The following SNRPN variants were observed in gnomAD, a reference collection of about 807,000 sequenced individuals.
The protein encoded by SNRPN is small nuclear ribonucleoprotein polypeptide N, also known as small nuclear ribonucleoprotein-associated protein N.
Under a neutral mutation model 25.2 loss-of-function variants are expected in SNRPN, and 7 were observed. The ratio of observed to expected loss-of-function variants is 0.28; its 90% confidence interval spans 0.16 to 0.52. The LOEUF is 0.52. Ranked by LOEUF, SNRPN falls within the 20% of genes least tolerant of loss-of-function variation. SNRPN has a pLI of 0.96. For missense variants in SNRPN, 196 were observed against 322.5 expected (o/e 0.61, Z 3.00); for synonymous variants, 124 against 110.6 (o/e 1.12, Z -0.76).
chr15:24,950,306 A>G (rs1381934400), upstream of SNRPN, among the ~76,000 whole-genome samples: 2 of 151,660 alleles, frequency 1.3e-5, no homozygotes, highest in Non-Finnish European at 2.9e-5. Context: ...CCTCCCAAGT[A>G]GCTGGGACTA....
Position 24,939,584 on chromosome 15 carries a change from C to T in SNRPN, c.-391+19460C>T, listed in dbSNP as rs141007604. On this transcript the variant is annotated intron_variant, in intron 3 of 11. Transcript: ENST00000400097. ...AGTAGCTGAGATTACAGATGTGCAC[C>T]ACCATGCCTGGTCAATTTTTGTATC... Among the ~76,000 whole-genome samples, 49 of 152,056 alleles carry T rather than the reference C, an allele frequency of 3.2e-4. No individual in the cohort carries two copies. The East Asian group carries it at 8.9e-3, about 28-fold the overall frequency.
intron 2 of SNRPN, among the ~76,000 whole-genome samples, chr15:24,835,776 C>T (rs1192869586): frequency 6.6e-6 from 1 of 152,072 alleles, no homozygotes; most frequent in Non-Finnish European, 1.5e-5. Context: ...GTTACTAATC[C>T]AGAGAGAAAG....
intron 2 of SNRPN, among the ~76,000 whole-genome samples, chr15:24,892,816 T>G (rs11161154): frequency 6.6e-6 from 1 of 151,868 alleles, no homozygotes. Flanking sequence ...TTGTGAAAGC[T>G]TATAGCCAAC....
At chr15:24,955,412 G>A (rs1476618851) in intron 1 of SNRPN, among the ~76,000 whole-genome samples, 7 of 151,966 alleles carry the variant, frequency 4.6e-5, no homozygotes, top group Admixed American at 3.9e-4. Context: ...GGTACATCAG[G>A]GTGATTGCAG....
chr15:24,968,569 T>C (rs1052780052), intron 3 of SNRPN, among the ~76,000 whole-genome samples: 1 of 152,188 alleles, frequency 6.6e-6, no homozygotes, highest in Non-Finnish European at 1.5e-5. Flanking sequence ...ATTAAATTAG[T>C]ATTCATTGCT....
At chr15:24,960,533 G>T (rs1449017884) in intron 1 of SNRPN, among the ~76,000 whole-genome samples, 1 of 152,064 alleles carries the variant, frequency 6.6e-6, no homozygotes, top group Non-Finnish European at 1.5e-5. Context: ...TATAGATGTT[G>T]CCCAAGCTGG....
intron 2 of SNRPN, among the ~76,000 whole-genome samples, chr15:24,916,996 C>T (rs1351959584): frequency 6.6e-6 from 1 of 152,172 alleles, no homozygotes; most frequent in Non-Finnish European, 1.5e-5. Flanking sequence ...TTTGTCCCCA[C>T]CCATATCCTG....
intron 2 of SNRPN, chr15:24,909,719 C>T (rs561429750): frequency 3.0e-5 from 37 of 1,244,300 alleles, no homozygotes; most frequent in Admixed American, 1.0e-4. Flanking sequence ...TATCACCAAG[C>T]GTTTCCGAGT....
chr15:24,894,809 T>C (rs2057969502), intron 2 of SNRPN, among the ~76,000 whole-genome samples: 1 of 152,200 alleles, frequency 6.6e-6, no homozygotes, highest in African/African-American at 2.4e-5. Context: ...GAATCCTACC[T>C]GCAGACTCCA....
intron 1 of SNRPN, among the ~76,000 whole-genome samples, chr15:24,865,338 C>T (rs922188268): frequency 2.0e-5 from 3 of 152,166 alleles, no homozygotes; most frequent in East Asian, 1.9e-4. Flanking sequence ...TGAGCCACCA[C>T]GCCCAGCTGA....
At chr15:24,856,609 T>C (rs2053420978) in exon 1 of SNRPN, 1 of 152,232 alleles carries the variant, frequency 6.6e-6, no homozygotes, top group South Asian at 2.1e-4. Flanking sequence ...CCCCCTGTCT[T>C]CCCTCTGGAG....
chr15:24,918,482 CATAATAT>C (rs2059710063), intron 2 of SNRPN, among the ~76,000 whole-genome samples: 1 of 117,474 alleles, frequency 8.5e-6, no homozygotes, highest in Admixed American at 9.9e-5. Context: ...ATATATATAA[CATAATAT>C]ATATGTGTGT....
upstream of SNRPN, among the ~76,000 whole-genome samples, chr15:24,950,181 C>CT (rs751256610): frequency 2.9e-3 from 422 of 144,290 alleles, no homozygotes; most frequent in African/African-American, 6.0e-3. Flanking sequence ...CAGTTTTTAA[C>CT]TTTTTTTTTT....
chr15:24,862,992 G>A (rs1342424744), intron 1 of SNRPN, among the ~76,000 whole-genome samples: 1 of 151,032 alleles, frequency 6.6e-6, no homozygotes, highest in African/African-American at 2.5e-5. Context: ...GTGATGCAGA[G>A]GCTGCTCCCT....
At chr15:24,886,063 G>C (rs1356053327) in intron 1 of SNRPN, among the ~76,000 whole-genome samples, 1 of 151,722 alleles carries the variant, frequency 6.6e-6, no homozygotes, top group Non-Finnish European at 1.5e-5. Flanking sequence ...CATTAGTCAG[G>C]CTCCGGAACG....
chr15:24,910,415 C>T (rs1194153773), intron 2 of SNRPN, among the ~76,000 whole-genome samples: 11 of 151,930 alleles, frequency 7.2e-5, no homozygotes, highest in African/African-American at 1.9e-4. Flanking sequence ...CACAGGAGGT[C>T]GAGGCGGCAG....
At chr15:24,834,694 C>T (rs1457647920) in intron 2 of SNRPN, among the ~76,000 whole-genome samples, 1 of 133,956 alleles carries the variant, frequency 7.5e-6, no homozygotes, top group African/African-American at 2.7e-5. Context: ...GCACTCCAAT[C>T]TAGCTACTGA....
chr15:24,880,682 G>A (rs532333919), intron 1 of SNRPN, among the ~76,000 whole-genome samples: 2 of 151,944 alleles, frequency 1.3e-5, no homozygotes, highest in East Asian at 3.9e-4. Flanking sequence ...ATTAATATGT[G>A]CTCATAAATT....
chr15:24,882,537 C>T (rs76311728), intron 1 of SNRPN, among the ~76,000 whole-genome samples: 1,661 of 152,152 alleles, frequency 0.011, 27 homozygotes, highest in African/African-American at 0.038. Flanking sequence ...TTGAAAGTAT[C>T]TTAAGTTGGC....
Sources: gnomAD v4.1 joint callset for allele counts (sites outside exome capture counted in the v4.1 genomes callset) on GRCh38, gnomAD v4.1.1 for gene constraint, MANE v1.5 for transcripts, NCBI Gene and HGNC (gene_info 2026-07-23, HGNC 2026-07-21) for gene names.